CHLSN: variants seen among roughly 807,000 people sequenced by gnomAD.
CHLSN encodes protein cholesin.
chr7:1,115,372 C>T, the CHLSN span, among the ~76,000 whole-genome samples: 2 of 152,350 alleles, frequency 1.3e-5, no homozygotes, highest in African/African-American at 2.4e-5. Context: ...CCTCACCGGG[C>T]GCCAGGGGAT....
the CHLSN span, among the ~76,000 whole-genome samples, chr7:1,020,598 C>A: frequency 1.3e-5 from 2 of 152,244 alleles, no homozygotes; most frequent in African/African-American, 4.8e-5. Context: ...TAGTCTCACA[C>A]AGCTAAGACC....
At chr7:986,048 C>T in the CHLSN span, among the ~76,000 whole-genome samples, 6 of 152,286 alleles carry the variant, frequency 3.9e-5, no homozygotes, top group South Asian at 6.2e-4. Flanking sequence ...CACGGCACTG[C>T]GTGGTCCGGG....
chr7:1,002,411 C>G, the CHLSN span, among the ~76,000 whole-genome samples: 91 of 20,138 alleles, frequency 4.5e-3, no homozygotes, highest in Admixed American at 7.0e-3. Flanking sequence ...GGAGTCCTGC[C>G]GGTGGGGAGT....
At chr7:1,055,576 C>T in the CHLSN span, 1 of 390,536 alleles carries the variant, frequency 2.6e-6, no homozygotes, top group South Asian at 1.8e-5. Context: ...CTCTGTGCAG[C>T]ACAGGTGGGA....
At chr7:1,092,041 G>C in the CHLSN span, 1 of 1,614,012 alleles carries the variant, frequency 6.2e-7, no homozygotes. Flanking sequence ...GGCGGTGGCG[G>C]ACCTCATCCT....
the CHLSN span, chr7:1,127,341 CTT>C: frequency 6.2e-7 from 1 of 1,609,454 alleles, no homozygotes. Context: ...GCTTTTTGTT[CTT>C]TTTCTCTGTC....
chr7:1,070,739 T>C, the CHLSN span, among the ~76,000 whole-genome samples: 17 of 131,234 alleles, frequency 1.3e-4, no homozygotes, highest in Non-Finnish European at 1.9e-4. Context: ...TGCACGCACA[T>C]ATGCACACAA....
chr7:1,043,356 G>A, the CHLSN span: 4 of 152,262 alleles, frequency 2.6e-5, no homozygotes, highest in Non-Finnish European at 4.4e-5. Context: ...AGTGGGCAGA[G>A]GGCCTTCTTT....
At chr7:1,117,164 C>T in the CHLSN span, among the ~76,000 whole-genome samples, 1 of 47,276 alleles carries the variant, frequency 2.1e-5, no homozygotes, top group South Asian at 6.9e-4. Context: ...CTTCCATCAC[C>T]GACGTCCACG....
chr7:1,064,310 G>A, the CHLSN span, among the ~76,000 whole-genome samples: 66 of 152,260 alleles, frequency 4.3e-4, no homozygotes, highest in Non-Finnish European at 7.4e-4. Flanking sequence ...AACAGGCCCC[G>A]GAAAGACGCA....
At chr7:1,041,412 G>A in the CHLSN span, among the ~76,000 whole-genome samples, 2 of 148,132 alleles carry the variant, frequency 1.4e-5, no homozygotes, top group Non-Finnish European at 1.5e-5. Flanking sequence ...TGCGGGGAAC[G>A]GGACCTGGGG....
the CHLSN span, chr7:988,290 T>C: frequency 1.7e-5 from 27 of 1,595,900 alleles, no homozygotes; most frequent in South Asian, 2.8e-4. Context: ...ACGCCCGTGA[T>C]TCCCCTGCTG....
the CHLSN span, among the ~76,000 whole-genome samples, chr7:1,086,283 T>C: frequency 6.6e-6 from 1 of 152,218 alleles, no homozygotes; most frequent in Non-Finnish European, 1.5e-5. Context: ...GAATTTTTAT[T>C]TTACTTATTT....
chr7:1,110,247 G>A, the CHLSN span, among the ~76,000 whole-genome samples: 1 of 152,214 alleles, frequency 6.6e-6, no homozygotes, highest in Non-Finnish European at 1.5e-5. Context: ...TGCCAGGAAG[G>A]AAAGCGCACA....
At chr7:1,002,033 G>A in the CHLSN span, among the ~76,000 whole-genome samples, 47 of 114,464 alleles carry the variant, frequency 4.1e-4, no homozygotes, top group African/African-American at 1.5e-3. Context: ...GGGGAGTCCT[G>A]TGGGTTAGTG....
At chr7:1,057,997 C>T in the CHLSN span, 5 of 770,162 alleles carry the variant, frequency 6.5e-6, no homozygotes, top group Non-Finnish European at 1.2e-5. Flanking sequence ...ACCAGCTTCT[C>T]CTCGCTGCTC....
the CHLSN span, among the ~76,000 whole-genome samples, chr7:1,039,046 C>T: frequency 2.5e-5 from 2 of 79,184 alleles, no homozygotes; most frequent in Non-Finnish European, 2.7e-5. Context: ...CCGCCCCGTC[C>T]GGGAGGGAGG....
At chr7:1,031,263 G>T in the CHLSN span, among the ~76,000 whole-genome samples, 1 of 152,252 alleles carries the variant, frequency 6.6e-6, no homozygotes, top group African/African-American at 2.4e-5. Flanking sequence ...TAATACTGAG[G>T]AGAAAAGTTA....
chr7:1,001,326 G>A, the CHLSN span, among the ~76,000 whole-genome samples: 1 of 152,150 alleles, frequency 6.6e-6, no homozygotes, highest in Admixed American at 6.5e-5. Flanking sequence ...CTGCCATGTG[G>A]GTGAGTGGAG....
Sources: gnomAD v4.1 joint callset for allele counts (sites outside exome capture counted in the v4.1 genomes callset) on GRCh38, gnomAD v4.1.1 for gene constraint, MANE v1.5 for transcripts, NCBI Gene and HGNC (gene_info 2026-07-23, HGNC 2026-07-21) for gene names.